CYFIP2: variants seen among roughly 807,000 people sequenced by gnomAD.
CYFIP2 encodes cytoplasmic FMR1 interacting protein 2.
CYFIP2 carries 29 observed loss-of-function variants against 158.7 expected under a neutral mutation model. The observed-to-expected ratio is 0.18, with a 90% CI of 0.14 to 0.25. CYFIP2 has a LOEUF of 0.25. Ranked by LOEUF, CYFIP2 falls within the 10% of genes least tolerant of loss-of-function variation. CYFIP2 has a pLI of 1.00. For missense variants in CYFIP2, 852 were observed against 1,639.5 expected, an observed-to-expected ratio of 0.52 and a Z score of 8.29; for synonymous variants, 585 against 617.6, an observed-to-expected ratio of 0.95 and a Z score of 0.78.
intron 21 of CYFIP2, 123 bp downstream of exon 21, chr5:157,333,569 C>A: frequency 2.2e-6 from 3 of 1,350,484 alleles, no homozygotes; most frequent in South Asian, 2.6e-5. Context: ...TCTTTCCCAT[C>A]TGAATGGAGC....
intron 26 of CYFIP2, among the ~76,000 whole-genome samples, chr5:157,369,889 T>TTTG (rs1764822167): frequency 1.3e-5 from 2 of 149,294 alleles, no homozygotes; most frequent in African/African-American, 2.5e-5. Flanking sequence ...GTTTTTTTTT[T>TTTG]TTTTTTTTTA....
At chr5:157,332,577 T>C (rs2113187694) in intron 20 of CYFIP2, among the ~76,000 whole-genome samples, 1 of 152,356 alleles carries the variant, frequency 6.6e-6, no homozygotes, top group African/African-American at 2.4e-5. Flanking sequence ...GTCCCAGTTA[T>C]GTCCTTTGTA....
intron 2 of CYFIP2, among the ~76,000 whole-genome samples, chr5:157,286,580 T>TATA (rs1561691042): frequency 1.4e-4 from 20 of 139,992 alleles, no homozygotes; most frequent in African/African-American, 5.0e-4. Context: ...ATATATATAT[T>TATA]TAGCCTTTCA....
At chr5:157,296,846 C>A in intron 5 of CYFIP2, 72 bp downstream of exon 5, 1 of 1,189,814 alleles carries the variant, frequency 8.4e-7, no homozygotes, top group Non-Finnish European at 1.2e-6. Flanking sequence ...CTGGGGTCTG[C>A]AGTTTTGTGC....
chr5:157,316,219 G>A lies in CYFIP2; in HGVS notation c.1356+1125G>A, dbSNP rs182798096. Among the ~76,000 whole-genome samples the A allele has an allele frequency of 3.2e-4, 49 of 152,212 alleles. No individual in the cohort carries two copies. In the South Asian group the frequency reaches 3.5e-3, roughly 11 times the overall value. On this transcript the variant is annotated intron_variant, in intron 13 of 30. Transcript: ENST00000620254. ...TAGTTTTCATGCAGACAGGGAAGATGCAAAAATATATCTAGAAATAAATAT... is the reference window on the plus strand; with the variant it reads ...TAGTTTTCATGCAGACAGGGAAGATACAAAAATATATCTAGAAATAAATAT...
chr5:157,368,073 T>C (rs1296193935), intron 26 of CYFIP2, among the ~76,000 whole-genome samples: 1 of 152,134 alleles, frequency 6.6e-6, no homozygotes, highest in African/African-American at 2.4e-5. Context: ...CTGTTCACAT[T>C]CTAAAGGATA....
At chr5:157,329,753 A>G (rs1396375960) in intron 19 of CYFIP2, among the ~76,000 whole-genome samples, 1 of 152,156 alleles carries the variant, frequency 6.6e-6, no homozygotes, top group Non-Finnish European at 1.5e-5. Flanking sequence ...GCCCATCTCA[A>G]TTTGGACCAG....
chr5:157,379,167 C>G (rs1482458954), intron 26 of CYFIP2, among the ~76,000 whole-genome samples: 1 of 152,086 alleles, frequency 6.6e-6, no homozygotes, highest in East Asian at 1.9e-4. Context: ...GAGATTTTAT[C>G]TCATTTATCT....
Position 157,279,940 on chromosome 5 carries a change from C to T in CYFIP2, c.-23-5399C>T, listed in dbSNP as rs534856597. Among the ~76,000 whole-genome samples the T allele has an allele frequency of 3.9e-5, 6 of 152,298 alleles. No homozygotes were observed. In the East Asian group the frequency reaches 1.2e-3, roughly 29 times the overall value. Reference sequence around the variant, plus strand: ...TCCTTTCTGATTGATGTGGATTTGGCAGTGCCTACCAGCACTTGAGCTAAA... The same window carrying T: ...TCCTTTCTGATTGATGTGGATTTGGTAGTGCCTACCAGCACTTGAGCTAAA... On this transcript the variant is annotated intron_variant, in intron 1 of 30. Coordinates refer to ENST00000620254, the MANE Select transcript of CYFIP2 (RefSeq NM_001037333.3).
At chr5:157,279,076 A>G (rs2113826769) in intron 1 of CYFIP2, among the ~76,000 whole-genome samples, 1 of 152,376 alleles carries the variant, frequency 6.6e-6, no homozygotes, top group East Asian at 1.9e-4. Flanking sequence ...ATCACAAATT[A>G]AGGACAATTA....
chr5:157,269,041 T>G (rs2113798527), intron 1 of CYFIP2, among the ~76,000 whole-genome samples: 1 of 152,322 alleles, frequency 6.6e-6, no homozygotes, highest in East Asian at 1.9e-4. Flanking sequence ...AATTACATAA[T>G]CATTAAGAAT....
intron 1 of CYFIP2, among the ~76,000 whole-genome samples, chr5:157,275,738 G>A (rs1756488809): frequency 6.6e-6 from 1 of 152,150 alleles, no homozygotes; most frequent in African/African-American, 2.4e-5. Context: ...AGGTTAGTTT[G>A]GGCAGTATTG....
chr5:157,309,861 G>A, intron 10 of CYFIP2, 27 bp downstream of exon 10: 1 of 1,561,968 alleles, frequency 6.4e-7, no homozygotes, highest in Non-Finnish European at 8.7e-7. Flanking sequence ...ATGTCTCTCG[G>A]CTCCCGCAAG....
chr5:157,362,748 G>T (rs1763950733), intron 26 of CYFIP2: 3 of 152,318 alleles, frequency 2.0e-5, no homozygotes, highest in Admixed American at 2.0e-4. Flanking sequence ...GCTAGGAGGG[G>T]TGACTGCAGG....
At chr5:157,325,910 T>A (rs1251304902) in intron 17 of CYFIP2, 1 of 538,974 alleles carries the variant, frequency 1.9e-6, no homozygotes, top group Non-Finnish European at 3.3e-6. Context: ...AGGTAGCTTG[T>A]ATTCTTAACT....
At chr5:157,356,299 G>A (rs1057202599) in intron 23 of CYFIP2, among the ~76,000 whole-genome samples, 1 of 152,044 alleles carries the variant, frequency 6.6e-6, no homozygotes, top group Non-Finnish European at 1.5e-5. Context: ...TCTGATGAGG[G>A]CACTGATCCC....
In CYFIP2 at chr5:157,386,747, C is replaced by G. The variant is rs368701824; in HGVS notation, c.3208-2442C>G. Among the ~76,000 whole-genome samples, 16 of 152,124 alleles carry G rather than the reference C, an allele frequency of 1.1e-4. No individual in the cohort carries two copies. In the East Asian group the frequency reaches 3.1e-3, roughly 29 times the overall value. On this transcript the variant is annotated intron_variant, in intron 28 of 30. Coordinates refer to ENST00000620254, the MANE Select transcript of CYFIP2 (RefSeq NM_001037333.3). ...CCAGCCTGGCCAACGTGGTGAAACC[C>G]CATCTCTACTAAAAATGCAAAAATT...
At position 157,389,434 on chromosome 5, in the gene CYFIP2, A is replaced by AC. The variant is rs764554211; in HGVS notation, c.3446+13dup. ...CCAACGAGTTCACAGCTGAGTGAGTACCCCCCAGAGAAGGCAGGGTTACCC... is the reference window on the plus strand; with the variant it reads ...CCAACGAGTTCACAGCTGAGTGAGTACCCCCCCAGAGAAGGCAGGGTTACCC... On this transcript the variant is annotated splice_region_variant and intron_variant, in intron 29 of 30. Transcript: ENST00000620254. The AC allele has an allele frequency of 3.2e-6, 5 of 1,566,168 alleles. No individual in the cohort carries two copies. The South Asian group carries it at 3.5e-5, about 11-fold the overall frequency.
At chr5:157,350,766 G>C (rs1049274402) in intron 23 of CYFIP2, among the ~76,000 whole-genome samples, 1 of 152,194 alleles carries the variant, frequency 6.6e-6, no homozygotes, top group Non-Finnish European at 1.5e-5. Flanking sequence ...ATGAGCATGG[G>C]ATGTGTTTCC....
Sources: allele counts gnomAD v4.1 joint callset (sites outside exome capture counted in the v4.1 genomes callset), GRCh38; gene constraint gnomAD v4.1.1; transcripts MANE v1.5; gene names NCBI Gene and HGNC (gene_info 2026-07-23, HGNC 2026-07-21).